The following CASP10 variants were observed in gnomAD, a reference collection of about 807,000 sequenced individuals.
CASP10 encodes caspase 10, also known as caspase-10.
CASP10 carries 41 observed loss-of-function variants against 48.5 expected under a neutral mutation model. That is an observed-to-expected ratio of 0.85 (90% CI 0.66 to 1.10). CASP10 has a LOEUF of 1.10. CASP10 is among the 50% of genes least tolerant of loss of function. CASP10 has a pLI of 0.00. For synonymous variants in CASP10, 232 were observed against 238.4 expected (o/e 0.97, Z 0.25); for missense variants, 614 against 614.5 (o/e 1.00, Z 0.01).
chr2:201,215,419 T>C (rs907552246), intron 9 of CASP10, among the ~76,000 whole-genome samples: 1 of 152,036 alleles, frequency 6.6e-6, no homozygotes, highest in African/African-American at 2.4e-5. Context: ...ACATTTTGAG[T>C]TGGTTTTTGT....
chr2:201,229,279 C>T (rs962492149), exon 10 of CASP10: 75 of 622,198 alleles, frequency 1.2e-4, no homozygotes, highest in Non-Finnish European at 1.3e-4. Flanking sequence ...CTTGTTTCAT[C>T]GTAAACATAC....
At chr2:201,210,404 GC>G (rs1271714562) in intron 9 of CASP10, among the ~76,000 whole-genome samples, 1 of 152,170 alleles carries the variant, frequency 6.6e-6, no homozygotes, top group African/African-American at 2.4e-5. Flanking sequence ...TTAAACATTT[GC>G]TGGGCCAATG....
At chr2:201,209,039 CTCTT>C in intron 8 of CASP10, 27 bp from the exon 9 acceptor site, 3 of 1,485,328 alleles carry the variant, frequency 2.0e-6, no homozygotes, top group Non-Finnish European at 1.9e-6. Flanking sequence ...CTCTCTCTCT[CTCTT>C]TTTTTTTTTT....
rs984738742 is a variant in CASP10 at position 201,217,991 on chromosome 2, G to C, written c.*250G>C. The C allele has an allele frequency of 2.9e-6, 3 of 1,047,660 alleles. No homozygotes were observed. Among genetic ancestry groups the C allele is most frequent in the Non-Finnish European group, 3.8e-6 (3 of 793,922 alleles). 64.9% of individuals were successfully genotyped at this position (1,047,660 alleles called of 1,614,324 possible). Reference sequence around the variant, plus strand: ...TGCAGGGGGGCAATCACGGCTCACTGTAGTCTCGACCTCCCAGGCTCAAGC... The same window carrying C: ...TGCAGGGGGGCAATCACGGCTCACTCTAGTCTCGACCTCCCAGGCTCAAGC... On this transcript the variant is annotated 3_prime_UTR_variant, in exon 10 of 10. Coordinates refer to ENST00000286186, the MANE Select transcript of CASP10 (RefSeq NM_032977.4).
intron 1 of CASP10, among the ~76,000 whole-genome samples, chr2:201,184,670 G>A (rs1036104756): frequency 2.0e-5 from 3 of 152,168 alleles, no homozygotes; most frequent in African/African-American, 7.2e-5. Flanking sequence ...AAATAGCCAA[G>A]TTCTGCATAT....
chr2:201,197,502 C>T (rs1335156940), intron 5 of CASP10, among the ~76,000 whole-genome samples: 1 of 152,174 alleles, frequency 6.6e-6, no homozygotes, highest in Non-Finnish European at 1.5e-5. Flanking sequence ...ATAATCCCAG[C>T]TACTCGGGAG....
intron 3 of CASP10, among the ~76,000 whole-genome samples, chr2:201,191,976 T>C (rs1240804738): frequency 6.6e-6 from 1 of 152,264 alleles, no homozygotes; most frequent in South Asian, 2.1e-4. Flanking sequence ...CATTTAAGTA[T>C]GTGCGTGTGT....
downstream of CASP10, among the ~76,000 whole-genome samples, chr2:201,223,532 A>C (rs1945750643): frequency 6.6e-6 from 1 of 152,126 alleles, no homozygotes; most frequent in African/African-American, 2.4e-5. Context: ...GGACAGCTTT[A>C]AGTGTTCTCT....
chr2:201,219,626 C>T lies in CASP10; in HGVS notation c.*1885C>T, dbSNP rs1945670989. 1 of 984,496 alleles carries T rather than the reference C, an allele frequency of 1.0e-6. No individual in the cohort carries two copies. Among genetic ancestry groups the T allele is most frequent in the African/African-American group, 1.8e-5 (1 of 56,868 alleles). The allele number at this position is 984,496 out of a possible 1,614,324, so 61.0% of individuals were successfully genotyped here. A position where few individuals can be genotyped will look rare whatever the true frequency, so the allele number is the denominator to read the frequency against. ...TCTTCTTGGCAGAGGGGATGTCTGG[C>T]TTGCCTGAAGGGAGTGGCTCTGTAA... On this transcript the variant is annotated 3_prime_UTR_variant, in exon 10 of 10. Transcript: ENST00000286186.
In CASP10 at chr2:201,218,118, C is replaced by T; in HGVS notation, c.*377C>T. 6.3e-6 allele frequency: 5 copies of T among 793,668 alleles called. No homozygotes were observed. The highest frequency in any genetic ancestry group is 8.2e-6 in the Non-Finnish European group (5 of 612,692). 49.2% of individuals were successfully genotyped at this position (793,668 alleles called of 1,614,324 possible). ...ATTTTTTGTAGAGATGGAGGGATCT[C>T]ACTTTGTTGCACAGGCTGGTTTCAA... is the stretch of plus-strand genomic sequence containing the variant. On this transcript the variant is annotated 3_prime_UTR_variant, in exon 10 of 10. Coordinates refer to ENST00000286186, the MANE Select transcript of CASP10 (RefSeq NM_032977.4).
chr2:201,195,879 C>T lies in CASP10; in HGVS notation c.615C>T (p.Ala205=), dbSNP rs373077581. The change falls in exon 5 of 10, where the codon GCC becomes GCT. Residue 205 remains alanine (A), a synonymous_variant. Coordinates refer to ENST00000286186, the MANE Select transcript of CASP10 (RefSeq NM_032977.4). ...TGACACCTCCTGTAGACAAGGAAGC[C>T]GAGTCGTATCAAGGAGAGGAAGAAC... ...QIVTPPVDKE[A]ESYQGEEELV... The T allele has an allele frequency of 1.2e-5, 19 of 1,613,664 alleles. No homozygotes were observed. Among genetic ancestry groups the T allele is most frequent in the South Asian group, 5.5e-5 (5 of 91,064 alleles).
chr2:201,208,945 TGA>T (rs1200312210), intron 8 of CASP10, 123 bp from the exon 9 acceptor site: 1 of 1,058,920 alleles, frequency 9.4e-7, no homozygotes, highest in Non-Finnish European at 1.4e-6. Context: ...TCCAAAGTGC[TGA>T]GATTATAGGT....
At chr2:201,200,649 A>C (rs937213529) in intron 5 of CASP10, 9 of 1,423,768 alleles carry the variant, frequency 6.3e-6, no homozygotes, top group Non-Finnish European at 8.2e-6. Context: ...ATTTGAGGGA[A>C]TCTCAGCTTT....
chr2:201,190,803 C>T (rs1490027721), intron 3 of CASP10, among the ~76,000 whole-genome samples: 2 of 151,838 alleles, frequency 1.3e-5, no homozygotes, highest in Admixed American at 1.3e-4. Context: ...TTCTCTTTTG[C>T]TTGCACAGGT....
chr2:201,229,234 T>A (rs1228097591), exon 10 of CASP10: 2 of 833,946 alleles, frequency 2.4e-6, no homozygotes, highest in Non-Finnish European at 4.0e-6. Context: ...ACTCTTCTGT[T>A]CCCTTACTGT....
In CASP10 at chr2:201,218,108, G is replaced by C. The variant is rs41365346; in HGVS notation, c.*367G>C. On this transcript the variant is annotated 3_prime_UTR_variant, in exon 10 of 10. Transcript: ENST00000286186. Reference sequence around the variant, plus strand: ...TTTATTCTTTATTTTTTGTAGAGATGGAGGGATCTCACTTTGTTGCACAGG... The same window carrying C: ...TTTATTCTTTATTTTTTGTAGAGATCGAGGGATCTCACTTTGTTGCACAGG... 2,569 of 754,344 alleles carry C rather than the reference G, an allele frequency of 3.4e-3. 58 individuals are homozygous for C. The African/African-American group carries it at 0.044, about 13-fold the overall frequency. 46.7% of individuals were successfully genotyped at this position (754,344 alleles called of 1,614,324 possible).
intron 3 of CASP10, among the ~76,000 whole-genome samples, chr2:201,189,819 C>T (rs1400930325): frequency 2.0e-5 from 3 of 152,076 alleles, no homozygotes; most frequent in East Asian, 1.9e-4. Flanking sequence ...GGCAACATGA[C>T]AAAACCCGGT....
At chr2:201,222,433 T>G (rs1046718124), downstream of CASP10, among the ~76,000 whole-genome samples, 2 of 152,168 alleles carry the variant, frequency 1.3e-5, no homozygotes, top group Non-Finnish European at 2.9e-5. Context: ...GCCAGGCTGG[T>G]CTCGAACTCC....
intron 9 of CASP10, chr2:201,212,465 T>C (rs1244350292): frequency 6.6e-6 from 1 of 152,062 alleles, no homozygotes; most frequent in South Asian, 2.1e-4. Context: ...TGGAAGAAGG[T>C]TGGGGGTAGG....
Sources: allele counts gnomAD v4.1 joint callset (sites outside exome capture counted in the v4.1 genomes callset), GRCh38; gene constraint gnomAD v4.1.1; transcripts MANE v1.5; gene names NCBI Gene and HGNC (gene_info 2026-07-23, HGNC 2026-07-21).